KCNT2: variants seen among roughly 807,000 people sequenced by gnomAD.
The protein encoded by KCNT2 is potassium sodium-activated channel subfamily T member 2.
Under a neutral mutation model 153.8 loss-of-function variants are expected in KCNT2, and 67 were observed. That is an observed-to-expected ratio of 0.44 (90% CI 0.36 to 0.53). The LOEUF (loss-of-function observed/expected upper bound fraction) is 0.53, where lower values mean the gene tolerates loss of function less well. Among genes scored for constraint, KCNT2 ranks in the 20% least tolerant of loss-of-function variants. The pLI is 0.00. For synonymous variants in KCNT2, 500 were observed against 458.8 expected (o/e 1.09, Z -1.15); for missense variants, 975 against 1,354.8 (o/e 0.72, Z 4.40).
intron 16 of KCNT2, among the ~76,000 whole-genome samples, chr1:196,336,269 A>G (rs536926230): frequency 6.6e-6 from 1 of 151,830 alleles, no homozygotes; most frequent in East Asian, 2.0e-4. Flanking sequence ...TCATGGCCAC[A>G]CCTTAGCTTT....
chr1:196,254,681 G>A (rs1656305056), intron 26 of KCNT2, among the ~76,000 whole-genome samples: 1 of 151,428 alleles, frequency 6.6e-6, no homozygotes. Context: ...TATTACTACT[G>A]CTGTTAAATC....
chr1:196,353,504 A>G (rs930429029), intron 14 of KCNT2, among the ~76,000 whole-genome samples: 4 of 152,096 alleles, frequency 2.6e-5, no homozygotes, highest in African/African-American at 9.6e-5. Flanking sequence ...TTAGAAAAAA[A>G]CAAACCGCAA....
intron 1 of KCNT2, among the ~76,000 whole-genome samples, chr1:196,592,856 T>TA (rs1294958643): frequency 6.7e-6 from 1 of 149,334 alleles, no homozygotes; most frequent in Non-Finnish European, 1.5e-5. Context: ...TTCTATAAAA[T>TA]AAAAAATAAT....
chr1:196,451,767 T>C (rs1315803776), intron 8 of KCNT2, among the ~76,000 whole-genome samples: 1 of 151,926 alleles, frequency 6.6e-6, no homozygotes, highest in Non-Finnish European at 1.5e-5. Flanking sequence ...GTATTTGTTA[T>C]TTAAATATCA....
At chr1:196,318,933 A>T (rs1572022348) in intron 20 of KCNT2, among the ~76,000 whole-genome samples, 1 of 151,792 alleles carries the variant, frequency 6.6e-6, no homozygotes, top group Non-Finnish European at 1.5e-5. Flanking sequence ...TTTTATATAT[A>T]TTTTTAATGT....
chr1:196,514,373 T>A (rs917376374), intron 1 of KCNT2, among the ~76,000 whole-genome samples: 1 of 152,310 alleles, frequency 6.6e-6, no homozygotes, highest in East Asian at 1.9e-4. Context: ...TATGTACTAA[T>A]ATTGGGGCTG....
At chr1:196,269,652 C>CT (rs1198663010) in intron 25 of KCNT2, among the ~76,000 whole-genome samples, 1 of 151,896 alleles carries the variant, frequency 6.6e-6, no homozygotes, top group African/African-American at 2.4e-5. Flanking sequence ...TTACTACAGC[C>CT]TTTTTTTCCC....
chr1:196,579,762 C>T (rs986006681), intron 1 of KCNT2, among the ~76,000 whole-genome samples: 3 of 151,764 alleles, frequency 2.0e-5, no homozygotes, highest in South Asian at 2.1e-4. Context: ...AAAAGTGCGG[C>T]GATTATGAGC....
chr1:196,322,582 T>C (rs1218208975), intron 19 of KCNT2, among the ~76,000 whole-genome samples: 1 of 151,918 alleles, frequency 6.6e-6, no homozygotes, highest in Admixed American at 6.6e-5. Context: ...CATATTCTTA[T>C]AGAAATTCTC....
intron 14 of KCNT2, 27 bp downstream of exon 14, chr1:196,373,113 G>T (rs756150600): frequency 1.3e-5 from 14 of 1,070,950 alleles, no homozygotes; most frequent in East Asian, 9.6e-5. Flanking sequence ...AATTTAAAAG[G>T]TTAACTTAAA....
Position 196,420,839 on chromosome 1 carries a change from C to T in KCNT2, c.1185+2211G>A, listed in dbSNP as rs1034175750. Among the ~76,000 whole-genome samples the T allele has an allele frequency of 4.7e-4, 72 of 151,978 alleles. 1 individual carries two copies. The highest frequency in any genetic ancestry group is 4.7e-3 in the Admixed American group (71 of 15,240). ...AGACTCTTAACTGTAGCTGGTGTTT[C>T]TGAGTAGAGTATCCCTGGATCAAAT... On this transcript the variant is annotated intron_variant, in intron 12 of 27. Coordinates refer to ENST00000294725, the MANE Select transcript of KCNT2 (RefSeq NM_198503.5).
chr1:196,377,459 A>G (rs1201297015), intron 13 of KCNT2, among the ~76,000 whole-genome samples: 2 of 152,026 alleles, frequency 1.3e-5, no homozygotes, highest in Non-Finnish European at 2.9e-5. Flanking sequence ...GTAGAAATAC[A>G]TCAATAACAG....
chr1:196,302,730 C>CT (rs564486260), intron 22 of KCNT2, among the ~76,000 whole-genome samples: 2,315 of 145,504 alleles, frequency 0.016, 44 homozygotes, highest in African/African-American at 0.051. Context: ...CCCAGCACAA[C>CT]TTTTTTTTTT....
chr1:196,605,275 A>T (rs1301389125), intron 1 of KCNT2, among the ~76,000 whole-genome samples: 2 of 152,214 alleles, frequency 1.3e-5, no homozygotes, highest in African/African-American at 4.8e-5. Context: ...TTGGGAATTG[A>T]TCACAGATAA....
chr1:196,557,192 T>C (rs1658792033), intron 1 of KCNT2, among the ~76,000 whole-genome samples: 1 of 151,280 alleles, frequency 6.6e-6, no homozygotes, highest in Non-Finnish European at 1.5e-5. Context: ...AGATACCCTA[T>C]TTTCCATGAT....
Position 196,258,483 on chromosome 1 carries a change from A to C in KCNT2, c.2922T>G (p.Ser974=). 6.4e-7 allele frequency: 1 copy of C among 1,563,546 alleles called. No individual in the cohort carries two copies. The highest frequency in any genetic ancestry group is 8.8e-7 in the Non-Finnish European group (1 of 1,141,532). Reference sequence around the variant, plus strand: ...TGTCTTCCCACTCTTCTACACTGATAGATATTTGAGACTTTAAAGGAAATA... The same window carrying C: ...TGTCTTCCCACTCTTCTACACTGATCGATATTTGAGACTTTAAAGGAAATA... ...QKLTTSESQI[S]ISVEEWEDTK... Residue 974 remains serine (S), a synonymous_variant, in exon 26 of 28, where the codon TCT becomes TCG. Coordinates refer to ENST00000294725, the MANE Select transcript of KCNT2 (RefSeq NM_198503.5).
intron 1 of KCNT2, among the ~76,000 whole-genome samples, chr1:196,553,762 A>T (rs1383675883): frequency 6.6e-6 from 1 of 150,816 alleles, no homozygotes; most frequent in Admixed American, 6.6e-5. Context: ...ACATTAAAAA[A>T]AATGAAATAA....
At chr1:196,545,848 C>T (rs1657012961) in intron 1 of KCNT2, among the ~76,000 whole-genome samples, 1 of 151,856 alleles carries the variant, frequency 6.6e-6, no homozygotes, top group Non-Finnish European at 1.5e-5. Flanking sequence ...CTCATTGAGC[C>T]TAATGTTTTC....
intron 17 of KCNT2, among the ~76,000 whole-genome samples, chr1:196,331,464 G>T (rs879399919): frequency 6.6e-5 from 10 of 151,962 alleles, no homozygotes; most frequent in African/African-American, 2.2e-4. Flanking sequence ...GTTTTGAAAG[G>T]GTTGTTTCTG....
Sources: gnomAD v4.1 joint callset for allele counts (sites outside exome capture counted in the v4.1 genomes callset) on GRCh38, gnomAD v4.1.1 for gene constraint, MANE v1.5 for transcripts, NCBI Gene and HGNC (gene_info 2026-07-23, HGNC 2026-07-21) for gene names.